NTN4: variants seen among roughly 807,000 people sequenced by gnomAD.
NTN4 encodes netrin 4.
In NTN4, 32 loss-of-function variants were observed where a neutral mutation model predicts 73.6. The observed-to-expected ratio is 0.44, with a 90% confidence interval of 0.33 to 0.58. The LOEUF (loss-of-function observed/expected upper bound fraction) is 0.58, where lower values mean the gene tolerates loss of function less well. Among genes scored for constraint, NTN4 ranks in the 20% least tolerant of loss-of-function variants. NTN4 has a pLI of 0.04. For missense variants in NTN4, 654 were observed against 798.3 expected (o/e 0.82, Z 2.18); for synonymous variants, 258 against 287.5 (o/e 0.90, Z 1.04).
intron 5 of NTN4, among the ~76,000 whole-genome samples, chr12:95,705,600 T>C (rs2078516730): frequency 6.6e-6 from 1 of 152,222 alleles, no homozygotes. Context: ...TCTCTACTCA[T>C]GCTTTGTTAA....
At chr12:95,677,482 T>C (rs2078282087) in intron 7 of NTN4, among the ~76,000 whole-genome samples, 1 of 152,100 alleles carries the variant, frequency 6.6e-6, no homozygotes, top group African/African-American at 2.4e-5. Flanking sequence ...CTTTCTCAAA[T>C]ATACAATGCA....
rs188285501 is a variant in NTN4, at chr12:95,773,770, C to T, written c.585+13169G>A. Among the ~76,000 whole-genome samples the T allele has an allele frequency of 3.9e-3, 587 of 152,162 alleles. 7 individuals carry two copies. The highest frequency in any genetic ancestry group is 2.7e-3 in the Non-Finnish European group (187 of 68,004). On this transcript the variant is annotated intron_variant, in intron 2 of 9. Transcript: ENST00000343702. ...GCACTTATCACTATGTAGCATTCTA[C>T]ATATTTTACTTATTTACTTTATTTA...
chr12:95,707,893 CTCTTT>C lies in NTN4; in HGVS notation c.1180+2543_1180+2547del, dbSNP rs377029649. Among the ~76,000 whole-genome samples, 510 of 152,182 alleles carry C rather than the reference CTCTTT, an allele frequency of 3.4e-3. 4 individuals carry two copies. Among genetic ancestry groups the C allele is most frequent in the African/African-American group, 0.011 (461 of 41,544 alleles). On this transcript the variant is annotated intron_variant, in intron 5 of 9. Transcript: ENST00000343702. The stretch of plus-strand genomic sequence containing the variant: ...GTTAGTGACAAATTATTTTTCTTTT[CTCTTT>C]TATCTGCTTAGTAGTTCAGACATTC...
chr12:95,690,556 C>A (rs1038179508), intron 5 of NTN4, among the ~76,000 whole-genome samples: 1 of 151,992 alleles, frequency 6.6e-6, no homozygotes, highest in Non-Finnish European at 1.5e-5. Flanking sequence ...AGGCATTTTT[C>A]TCTTAAAGTA....
intron 3 of NTN4, among the ~76,000 whole-genome samples, chr12:95,720,830 T>TAAC (rs909697270): frequency 6.6e-6 from 1 of 152,166 alleles, no homozygotes; most frequent in African/African-American, 2.4e-5. Flanking sequence ...TGATGATAAA[T>TAAC]AACAACAACA....
chr12:95,751,306 G>A (rs1217047604), intron 2 of NTN4, among the ~76,000 whole-genome samples: 19 of 151,640 alleles, frequency 1.3e-4, no homozygotes, highest in African/African-American at 4.4e-4. Flanking sequence ...CCTTCAAGGT[G>A]TACAATAATA....
At chr12:95,784,353 T>C (rs927917814) in intron 2 of NTN4, among the ~76,000 whole-genome samples, 2 of 152,200 alleles carry the variant, frequency 1.3e-5, no homozygotes, top group Non-Finnish European at 2.9e-5. Context: ...GAGAGAAAGA[T>C]TAGTTCTCAA....
At chr12:95,673,336 A>AAGGT (rs1446906111) in intron 7 of NTN4, 1 of 270,764 alleles carries the variant, frequency 3.7e-6, no homozygotes, top group Non-Finnish European at 7.3e-6. Context: ...AGAGAGTTTA[A>AAGGT]AGGTAGTGAC....
rs2079129686 is a variant in NTN4 at position 95,781,069 on chromosome 12, T to C, written c.585+5870A>G. Among the ~76,000 whole-genome samples, 1 of 152,100 alleles carries C rather than the reference T, an allele frequency of 6.6e-6. No homozygotes were observed. Among genetic ancestry groups the C allele is most frequent in the Admixed American group, 6.5e-5 (1 of 15,280 alleles). On this transcript the variant is annotated intron_variant, in intron 2 of 9. Transcript: ENST00000343702. The surrounding 1 kb of genome is among the most constrained non-coding windows in gnomAD (Gnocchi z 4.1). ...CAAGGACAAAAAAACAAACACTGCA[T>C]GTTCTCACTTATAGGTGGGAATTGA... is the stretch of plus-strand genomic sequence containing the variant.
At chr12:95,754,555 T>A (rs1429308265) in intron 2 of NTN4, among the ~76,000 whole-genome samples, 3 of 152,094 alleles carry the variant, frequency 2.0e-5, no homozygotes, top group Non-Finnish European at 4.4e-5. Context: ...ACAAAAGAAG[T>A]GAAAAGGCCC....
chr12:95,683,479 A>C lies in NTN4; in HGVS notation c.1394+19T>G. On this transcript the variant is annotated intron_variant, in intron 6 of 9. Coordinates refer to ENST00000343702, the MANE Select transcript of NTN4 (RefSeq NM_021229.4). Reference sequence around the variant, plus strand: ...GCCTGAAATACATGCAGCTGAGAGCAAGAGCCTTGCACATTCACCTGCTGA... The same window carrying C: ...GCCTGAAATACATGCAGCTGAGAGCCAGAGCCTTGCACATTCACCTGCTGA... 1 of 1,607,450 alleles carries C rather than the reference A, an allele frequency of 6.2e-7. No individual in the cohort carries two copies. The highest frequency in any genetic ancestry group is 8.5e-7 in the Non-Finnish European group (1 of 1,174,370).
At position 95,787,386 on chromosome 12, in the gene NTN4, T is replaced by G; in HGVS notation, c.138A>C (p.Lys46Asn). Residue 46 changes from lysine to asparagine, a missense_variant, in exon 2 of 10, where the codon AAA becomes AAC. Transcript: ENST00000343702. ...PRMGNLALGR[K>N]LWADTTCGQN... is the part of the protein sequence containing the mutation. ...GACCGCAGGTGGTGTCTGCCCAGAG[T>G]TTTCGCCCCAAAGCCAAATTTCCCA... The G allele has an allele frequency of 6.2e-7, 1 of 1,613,958 alleles. No individual in the cohort carries two copies. Among genetic ancestry groups the G allele is most frequent in the Non-Finnish European group, 8.5e-7 (1 of 1,179,990 alleles).
intron 3 of NTN4, among the ~76,000 whole-genome samples, chr12:95,725,054 T>C (rs1031969135): frequency 3.4e-5 from 5 of 147,698 alleles, no homozygotes; most frequent in African/African-American, 1.2e-4. Flanking sequence ...TAACTTCTTA[T>C]AATAGAATCT....
At chr12:95,697,948 A>C (rs2078454609) in intron 5 of NTN4, among the ~76,000 whole-genome samples, 1 of 152,246 alleles carries the variant, frequency 6.6e-6, no homozygotes, top group Non-Finnish European at 1.5e-5. Flanking sequence ...ACCCAGTAAA[A>C]AATAGCAATA....
At chr12:95,778,346 A>C (rs11495057) in intron 2 of NTN4, among the ~76,000 whole-genome samples, 92,713 of 151,336 alleles carry the variant, frequency 0.61, 29,058 homozygotes, top group South Asian at 0.78. Context: ...ACACAAAAAA[A>C]CCTTCAAAAA....
chr12:95,668,150 T>G (rs1264827414), intron 8 of NTN4, among the ~76,000 whole-genome samples: 1 of 151,930 alleles, frequency 6.6e-6, no homozygotes. Flanking sequence ...AGTGTTTTTT[T>G]TTTTTTTTTC....
chr12:95,736,842 G>C (rs112168030), intron 3 of NTN4, among the ~76,000 whole-genome samples: 28 of 152,320 alleles, frequency 1.8e-4, no homozygotes, highest in African/African-American at 6.0e-4. Context: ...AGCCCAGCCA[G>C]CACAAACTGT....
chr12:95,761,423 T>C (rs1464507655), intron 2 of NTN4, among the ~76,000 whole-genome samples: 1 of 149,856 alleles, frequency 6.7e-6, no homozygotes, highest in Non-Finnish European at 1.5e-5. Context: ...CTCCACCTCC[T>C]GGGTTCCAGC....
At position 95,682,604 on chromosome 12, in the gene NTN4, G is replaced by T. The variant is rs2078326902; in HGVS notation, c.1510+103C>A. 3 of 675,350 alleles carry T rather than the reference G, an allele frequency of 4.4e-6. No individual in the cohort carries two copies. The South Asian group carries it at 5.8e-5, about 13-fold the overall frequency. 41.8% of individuals were successfully genotyped at this position (675,350 alleles called of 1,614,324 possible). A position where few individuals can be genotyped will look rare whatever the true frequency, so the allele number is the denominator to read the frequency against. ...TATACCATGAAACCCCAGAACTAAA[G>T]AGTTCCCCTCATAGGATCCAAAAGC... On this transcript the variant is annotated intron_variant, in intron 7 of 9. Transcript: ENST00000343702.
Sources: allele counts gnomAD v4.1 joint callset (sites outside exome capture counted in the v4.1 genomes callset), GRCh38; gene constraint gnomAD v4.1.1; non-coding constraint Gnocchi (gnomAD v3.1); transcripts MANE v1.5; gene names NCBI Gene and HGNC (gene_info 2026-07-23, HGNC 2026-07-21).